NEDD9: variants seen among roughly 807,000 people sequenced by gnomAD.
NEDD9 encodes neural precursor cell expressed, developmentally down-regulated 9, also known as enhancer of filamentation 1.
A neutral mutation model predicts 76.6 loss-of-function variants in NEDD9; 26 were observed. The ratio of observed to expected loss-of-function variants is 0.34; its 90% confidence interval spans 0.25 to 0.47. The LOEUF is 0.47. Among genes scored for constraint, NEDD9 ranks in the 20% least tolerant of loss-of-function variants. NEDD9 has a pLI of 1.00. For missense variants in NEDD9, 937 were observed against 1,058.5 expected (o/e 0.89, Z 1.59); for synonymous variants, 392 against 414.2 (o/e 0.95, Z 0.65).
chr6:11,251,574 G>C (rs867044180), intron 3 of NEDD9: 1 of 152,234 alleles, frequency 6.6e-6, no homozygotes, highest in South Asian at 2.1e-4. Context: ...CTGTAGGAGT[G>C]ATTTGCCAAG....
chr6:11,316,930 C>T lies in NEDD9; in HGVS notation c.-152-10775G>A, dbSNP rs117189393. On this transcript the variant is annotated intron_variant, in intron 2 of 3. Transcript: ENST00000397378. ...AAGAAGAAATTAAGAATTAAGTCTA[C>T]GGGGGAAATGGTGAATTTGAATGCG... Among the ~76,000 whole-genome samples the T allele has an allele frequency of 4.1e-3, 627 of 152,174 alleles. 6 individuals carry two copies. The East Asian group carries it at 0.052, about 13-fold the overall frequency.
intron 3 of NEDD9, among the ~76,000 whole-genome samples, chr6:11,250,936 C>T (rs1759903065): frequency 6.6e-6 from 1 of 152,132 alleles, no homozygotes; most frequent in Non-Finnish European, 1.5e-5. Context: ...GCCAATGTTC[C>T]ATATTTTAAT....
intron 3 of NEDD9, among the ~76,000 whole-genome samples, chr6:11,299,543 C>A (rs928762758): frequency 5.3e-5 from 8 of 152,218 alleles, no homozygotes; most frequent in African/African-American, 1.9e-4. Flanking sequence ...AACGGACAGA[C>A]TGCCTCCTCA....
At chr6:11,265,888 T>C (rs1190478114) in intron 3 of NEDD9, among the ~76,000 whole-genome samples, 1 of 152,184 alleles carries the variant, frequency 6.6e-6, no homozygotes, top group South Asian at 2.1e-4. Context: ...TGCAGCAAAA[T>C]GGATGGAACT....
intron 3 of NEDD9, among the ~76,000 whole-genome samples, chr6:11,255,282 A>G (rs916044684): frequency 6.6e-6 from 1 of 152,214 alleles, no homozygotes; most frequent in Non-Finnish European, 1.5e-5. Context: ...TCTCTGTTCC[A>G]CCCCAGAAGG....
At chr6:11,235,813 G>T (rs753755237), upstream of NEDD9, among the ~76,000 whole-genome samples, 1 of 152,136 alleles carries the variant, frequency 6.6e-6, no homozygotes, top group Non-Finnish European at 1.5e-5. The surrounding 1 kb of genome is among the most constrained non-coding windows in gnomAD (Gnocchi z 4.1). Flanking sequence ...TGTGCTTAGC[G>T]TGGGGTACAC....
intron 2 of NEDD9, chr6:11,201,004 C>T (rs988461515): frequency 1.9e-6 from 3 of 1,614,226 alleles, no homozygotes; most frequent in Non-Finnish European, 2.5e-6. Flanking sequence ...TGTTTAGAGG[C>T]TCTCACTAAG....
intron 3 of NEDD9, among the ~76,000 whole-genome samples, chr6:11,240,017 C>T (rs1759679727): frequency 6.9e-6 from 1 of 144,060 alleles, no homozygotes. Flanking sequence ...GCACTCCAGC[C>T]TGGGGACAGA....
At chr6:11,211,001 CCTGA>C (rs1758774281) in intron 2 of NEDD9, among the ~76,000 whole-genome samples, 1 of 152,318 alleles carries the variant, frequency 6.6e-6, no homozygotes, top group East Asian at 1.9e-4. Context: ...TACCCCAGAC[CCTGA>C]CTGTGTGATG....
intron 1 of NEDD9, among the ~76,000 whole-genome samples, chr6:11,351,094 A>G (rs1161348742): frequency 6.6e-6 from 1 of 152,180 alleles, no homozygotes; most frequent in Non-Finnish European, 1.5e-5. Context: ...AAAAGAAGTG[A>G]GCTGGCAAGA....
At chr6:11,245,764 C>T (rs1301821549) in intron 3 of NEDD9, among the ~76,000 whole-genome samples, 2 of 152,154 alleles carry the variant, frequency 1.3e-5, no homozygotes, top group South Asian at 2.1e-4. Context: ...TACTTTAGCA[C>T]ATTTTTCCAT....
chr6:11,333,643 G>A (rs1762093293), intron 2 of NEDD9, among the ~76,000 whole-genome samples: 1 of 152,216 alleles, frequency 6.6e-6, no homozygotes, highest in Non-Finnish European at 1.5e-5. Context: ...TGGCAGGGAA[G>A]GCTGTCTCTA....
At chr6:11,356,574 G>T (rs547267866) in intron 1 of NEDD9, among the ~76,000 whole-genome samples, 51 of 152,230 alleles carry the variant, frequency 3.4e-4, no homozygotes, top group African/African-American at 1.1e-3. Context: ...CACCCCCAGG[G>T]TTTCTGTTTC....
intron 3 of NEDD9, among the ~76,000 whole-genome samples, chr6:11,304,747 G>A (rs892315595): frequency 7.2e-5 from 11 of 152,204 alleles, no homozygotes; most frequent in African/African-American, 2.4e-4. Context: ...ATAGGTGGGA[G>A]TTGAACAATG....
At chr6:11,323,037 TA>T (rs139078527) in intron 2 of NEDD9, among the ~76,000 whole-genome samples, 20,318 of 152,228 alleles carry the variant, frequency 0.13, 1,497 homozygotes, top group Admixed American at 0.23. Context: ...TTATAGGAGT[TA>T]TTTTTTTCTC....
rs181096536 is a variant in NEDD9 at position 11,240,720 on chromosome 6, G to A, written c.13-26993C>T. On this transcript the variant is annotated intron_variant, in intron 3 of 3. Coordinates refer to the NEDD9 transcript ENST00000397378. ...TTAAATAAATTCACTCGACTCTAGTGAAATGTGACAAGCAATTGTGACGCT... is the reference window on the plus strand; with the variant it reads ...TTAAATAAATTCACTCGACTCTAGTAAAATGTGACAAGCAATTGTGACGCT... 3.2e-4 allele frequency among the ~76,000 whole-genome samples: 49 copies of A among 152,322 alleles called. 1 individual carries two copies. Among genetic ancestry groups the A allele is most frequent in the Admixed American group, 3.0e-3 (46 of 15,306 alleles).
intron 1 of NEDD9, among the ~76,000 whole-genome samples, chr6:11,358,800 A>G (rs1358213559): frequency 6.6e-6 from 1 of 152,190 alleles, no homozygotes; most frequent in East Asian, 1.9e-4. Flanking sequence ...GAGTGTTGCA[A>G]GGAGAGACTT....
chr6:11,288,278 C>G (rs1760692379), intron 3 of NEDD9, among the ~76,000 whole-genome samples: 1 of 152,188 alleles, frequency 6.6e-6, no homozygotes, highest in African/African-American at 2.4e-5. Flanking sequence ...AGAGTACACC[C>G]TGGTCTAAGG....
intron 1 of NEDD9, among the ~76,000 whole-genome samples, chr6:11,373,668 AT>A: frequency 6.6e-6 from 1 of 152,138 alleles, no homozygotes; most frequent in East Asian, 1.9e-4. Flanking sequence ...CTACTAAATT[AT>A]TTTCTGAAAT....
Sources: allele counts gnomAD v4.1 joint callset (sites outside exome capture counted in the v4.1 genomes callset), GRCh38; gene constraint gnomAD v4.1.1; non-coding constraint Gnocchi (gnomAD v3.1); transcripts MANE v1.5; gene names NCBI Gene and HGNC (gene_info 2026-07-23, HGNC 2026-07-21).